CRTAM: variants seen among roughly 807,000 people sequenced by gnomAD.
CRTAM encodes cytotoxic and regulatory T cell molecule, also known as cytotoxic and regulatory T-cell molecule.
CRTAM carries 44 observed loss-of-function variants against 50.0 expected under a neutral mutation model. The ratio of observed to expected loss-of-function variants is 0.88; its 90% CI spans 0.69 to 1.13. The LOEUF (loss-of-function observed/expected upper bound fraction) is 1.13. Among genes scored for constraint, CRTAM ranks in the 50% most tolerant of loss-of-function variants. The pLI is 0.00. For missense variants in CRTAM, 448 were observed against 457.5 expected (o/e 0.98, Z 0.19); for synonymous variants, 159 against 169.3 (o/e 0.94, Z 0.47).
chr11:122,851,521 G>C (rs917398747), intron 2 of CRTAM, among the ~76,000 whole-genome samples, 172 bp from the exon 3 acceptor site: 2 of 152,186 alleles, frequency 1.3e-5, no homozygotes, highest in South Asian at 4.1e-4. Context: ...TAGCTCAGTG[G>C]TTCCCCACCC....
At chr11:122,845,977 A>C (rs527561630) in intron 1 of CRTAM, among the ~76,000 whole-genome samples, 1 of 152,196 alleles carries the variant, frequency 6.6e-6, no homozygotes, top group African/African-American at 2.4e-5. Flanking sequence ...GGTGTGAGCC[A>C]CCACATCCAG....
At chr11:122,847,294 G>C (rs1444651508) in intron 1 of CRTAM, among the ~76,000 whole-genome samples, 1 of 152,102 alleles carries the variant, frequency 6.6e-6, no homozygotes, top group Non-Finnish European at 1.5e-5. Context: ...CCAGGTTAGG[G>C]ACACAGAGAT....
At chr11:122,852,175 A>C (rs1190022479) in intron 3 of CRTAM, among the ~76,000 whole-genome samples, 1 of 152,234 alleles carries the variant, frequency 6.6e-6, no homozygotes, top group African/African-American at 2.4e-5. Context: ...AATTAGGCAC[A>C]ATCTCTGCCC....
At chr11:122,869,965 T>G (rs1254845502) in intron 9 of CRTAM, among the ~76,000 whole-genome samples, 3 of 152,202 alleles carry the variant, frequency 2.0e-5, no homozygotes, top group Non-Finnish European at 2.9e-5. Flanking sequence ...ATGTGTGAGT[T>G]GGGTTGCTCC....
intron 9 of CRTAM, among the ~76,000 whole-genome samples, chr11:122,869,496 A>T (rs1862225345): frequency 6.6e-6 from 1 of 152,200 alleles, no homozygotes; most frequent in African/African-American, 2.4e-5. Context: ...GAGAATCGGG[A>T]TGGGAAGGAG....
rs867806429 is a variant in CRTAM, at chr11:122,868,084, G to C, written c.1036G>C (p.Glu346Gln). The C allele has an allele frequency of 1.2e-6, 2 of 1,609,630 alleles. No homozygotes were observed. Among genetic ancestry groups the C allele is most frequent in the Non-Finnish European group, 1.7e-6 (2 of 1,176,096 alleles). The change falls in exon 9 of 10, where the codon GAG (glutamate) becomes CAG (glutamine). Residue 346 changes from glutamate (E) to glutamine (Q), a missense_variant. Transcript: ENST00000227348. ...RSNNEETSSE[E>Q]KNGQSSHPMR... Reference sequence around the variant, plus strand: ...AAATAATGAAGAAACATCATCTGAAGAGAAAAATGGCCAATGTAAGTCAAC... The same window carrying C: ...AAATAATGAAGAAACATCATCTGAACAGAAAAATGGCCAATGTAAGTCAAC...
chr11:122,849,637 G>T (rs1007433200), intron 1 of CRTAM, among the ~76,000 whole-genome samples: 1 of 152,160 alleles, frequency 6.6e-6, no homozygotes, highest in South Asian at 2.1e-4. Context: ...CATGAGAATC[G>T]CTTGAACCCA....
chr11:122,840,896 A>C (rs1032095990), intron 1 of CRTAM, among the ~76,000 whole-genome samples: 3 of 152,194 alleles, frequency 2.0e-5, no homozygotes, highest in African/African-American at 7.2e-5. Flanking sequence ...ACACAATAAA[A>C]ATGAAGCATT....
chr11:122,871,088 C>A (rs540379268), intron 9 of CRTAM, among the ~76,000 whole-genome samples, 181 bp from the exon 10 acceptor site: 10 of 151,852 alleles, frequency 6.6e-5, no homozygotes, highest in Admixed American at 2.6e-4. Flanking sequence ...CAAAAAAAAA[C>A]CACGAAAAAC....
chr11:122,862,373 G>C (rs140238905), intron 5 of CRTAM, 91 bp from the exon 6 acceptor site: 1 of 831,206 alleles, frequency 1.2e-6, no homozygotes, highest in Non-Finnish European at 2.1e-6. Flanking sequence ...GCAGGTAGCC[G>C]CTAAATATAT....
At chr11:122,854,179 C>T (rs1309678507) in intron 4 of CRTAM, 93 bp downstream of exon 4, 1 of 1,216,854 alleles carries the variant, frequency 8.2e-7, no homozygotes, top group African/African-American at 1.5e-5. Context: ...GCAGACAATG[C>T]CAGAAGACAT....
chr11:122,839,136 G>A (rs1260715109), intron 1 of CRTAM, among the ~76,000 whole-genome samples: 1 of 152,010 alleles, frequency 6.6e-6, no homozygotes, highest in Non-Finnish European at 1.5e-5. Context: ...GTTTCACCGT[G>A]TTAGCCAGGA....
At position 122,855,781 on chromosome 11, in the gene CRTAM, A is replaced by G. The variant is rs143016653; in HGVS notation, c.577A>G (p.Thr193Ala). Residue 193 changes from threonine to alanine, a missense_variant, in exon 5 of 10, where the codon ACG (threonine) becomes GCG (alanine). Transcript: ENST00000227348. Reference protein sequence around the residue: ...LIIHTYGKNSTVDCIIRHRGL... With the variant: ...LIIHTYGKNSAVDCIIRHRGL... ...AATCCACACTTATGGCAAAAATTCA[A>G]CGGTGGACTGCATTATCCGACACAG... The G allele has an allele frequency of 8.7e-6, 14 of 1,613,994 alleles. No individual in the cohort carries two copies. The highest frequency in any genetic ancestry group is 3.3e-5 in the Admixed American group (2 of 60,002).
At position 122,849,824 on chromosome 11, in the gene CRTAM, C is replaced by T. The variant is rs528449063; in HGVS notation, c.47-244C>T. ...ACCTGTTGAACTGTAGTTTGACCTT[C>T]CCTGTCTTCTGTCAAAATCCTACCC... is the stretch of plus-strand genomic sequence containing the variant. On this transcript the variant is annotated intron_variant, in intron 1 of 9. Coordinates refer to ENST00000227348, the MANE Select transcript of CRTAM (RefSeq NM_019604.4). 7.6e-4 allele frequency among the ~76,000 whole-genome samples: 116 copies of T among 152,264 alleles called. 2 individuals carry two copies. The highest frequency in any genetic ancestry group is 5.8e-3 in the South Asian group (28 of 4,816).
chr11:122,865,033 A>G (rs1591357088), intron 7 of CRTAM, among the ~76,000 whole-genome samples: 1 of 150,260 alleles, frequency 6.7e-6, no homozygotes, highest in East Asian at 1.9e-4. Flanking sequence ...CCTTTTTTTT[A>G]TATATATATA....
At chr11:122,861,420 A>ATTTTTTT (rs66619023) in intron 5 of CRTAM, among the ~76,000 whole-genome samples, 5 of 25,610 alleles carry the variant, frequency 2.0e-4, no homozygotes, top group Non-Finnish European at 2.0e-4. Flanking sequence ...ATATATATAT[A>ATTTTTTT]TTTTTTTTTT....
rs56148911 is a variant in CRTAM, at chr11:122,871,446, C to G, written c.*47C>G. On this transcript the variant is annotated 3_prime_UTR_variant, in exon 10 of 10. Coordinates refer to ENST00000227348, the MANE Select transcript of CRTAM (RefSeq NM_019604.4). The stretch of plus-strand genomic sequence containing the variant: ...TGATTTCAGGGTTGCCGCAGTGTCA[C>G]CTCAGTGGACCAGCCTGGGGGAAGG... The G allele has an allele frequency of 6.4e-7, 1 of 1,562,756 alleles. No individual in the cohort carries two copies. The highest frequency in any genetic ancestry group is 1.2e-5 in the South Asian group (1 of 83,952).
intron 5 of CRTAM, among the ~76,000 whole-genome samples, chr11:122,857,760 G>A (rs1443788406): frequency 6.6e-6 from 1 of 152,170 alleles, no homozygotes; most frequent in East Asian, 1.9e-4. Flanking sequence ...TGCATGGAAG[G>A]ACCTGGGTAA....
chr11:122,859,197 C>T (rs923076254), intron 5 of CRTAM, among the ~76,000 whole-genome samples: 2 of 152,110 alleles, frequency 1.3e-5, no homozygotes, highest in Admixed American at 6.5e-5. Context: ...CAACTTCCGC[C>T]TCCTGGGTTC....
Sources: allele counts gnomAD v4.1 joint callset (sites outside exome capture counted in the v4.1 genomes callset), GRCh38; gene constraint gnomAD v4.1.1; transcripts MANE v1.5; gene names NCBI Gene and HGNC (gene_info 2026-07-23, HGNC 2026-07-21).